Variants in DSCAM observed in about 807,000 individuals in gnomAD.
The protein encoded by DSCAM is cell adhesion molecule DSCAM.
In DSCAM, 47 loss-of-function variants were observed where a neutral mutation model predicts 217.7. The observed-to-expected ratio is 0.22, with a 90% CI of 0.17 to 0.28. The LOEUF is 0.28. Ranked by LOEUF, DSCAM falls within the 10% of genes least tolerant of loss-of-function variation. DSCAM has a pLI of 1.00. For synonymous variants in DSCAM, 1,056 were observed against 1,015.3 expected (o/e 1.04, Z -0.76); for missense variants, 2,080 against 2,618.3 (o/e 0.79, Z 4.49).
intron 3 of DSCAM, among the ~76,000 whole-genome samples, chr21:40,641,691 T>A (rs573480266): frequency 1.5e-4 from 23 of 152,294 alleles, no homozygotes; most frequent in Admixed American, 3.3e-4. Flanking sequence ...TTTATTTGAC[T>A]CCTATTTGGT....
chr21:40,177,172 A>G (rs897094512), intron 15 of DSCAM, among the ~76,000 whole-genome samples: 1 of 152,230 alleles, frequency 6.6e-6, no homozygotes, highest in Non-Finnish European at 1.5e-5. Context: ...TGAGGAAGTT[A>G]GTGGGTTGTT....
At chr21:40,061,868 C>T (rs931307599) in intron 28 of DSCAM, among the ~76,000 whole-genome samples, 1 of 152,186 alleles carries the variant, frequency 6.6e-6, no homozygotes, top group African/African-American at 2.4e-5. Context: ...CTCTCTCCCA[C>T]GTAAATCATC....
chr21:40,637,598 T>TATACATATATAAATATATAC (rs1177465369), intron 3 of DSCAM, among the ~76,000 whole-genome samples: 1 of 49,660 alleles, frequency 2.0e-5, no homozygotes, highest in Non-Finnish European at 3.5e-5. Flanking sequence ...TATATAAATA[T>TATACATATATAAATATATAC]ATATATAAAT....
chr21:40,018,082 A>T (rs1568890199), intron 32 of DSCAM, among the ~76,000 whole-genome samples: 1 of 152,210 alleles, frequency 6.6e-6, no homozygotes, highest in Non-Finnish European at 1.5e-5. Context: ...GAAAATTACT[A>T]ATGTTCGTTT....
At chr21:40,314,827 C>T (rs889338846) in intron 8 of DSCAM, among the ~76,000 whole-genome samples, 3 of 152,162 alleles carry the variant, frequency 2.0e-5, no homozygotes, top group Admixed American at 2.0e-4. Flanking sequence ...TACTTAACCC[C>T]TCTCAGGGTC....
intron 3 of DSCAM, among the ~76,000 whole-genome samples, chr21:40,657,862 G>A (rs1453743861): frequency 2.0e-5 from 3 of 152,198 alleles, no homozygotes; most frequent in Non-Finnish European, 4.4e-5. Context: ...AGGGACTGGA[G>A]TGAGACTAGA....
intron 3 of DSCAM, among the ~76,000 whole-genome samples, chr21:40,622,479 C>T (rs1053218883): frequency 3.9e-5 from 6 of 152,044 alleles, no homozygotes; most frequent in Admixed American, 6.6e-5. Context: ...CATGGAAAAA[C>T]CAGTTTTGAC....
chr21:40,022,797 A>C (rs1277147157), intron 32 of DSCAM, among the ~76,000 whole-genome samples: 1 of 150,672 alleles, frequency 6.6e-6, no homozygotes, highest in African/African-American at 2.4e-5. Context: ...TTTTTCTTAT[A>C]TCTAAACTTT....
At chr21:40,442,688 T>G (rs1366942012) in intron 3 of DSCAM, among the ~76,000 whole-genome samples, 1 of 152,030 alleles carries the variant, frequency 6.6e-6, no homozygotes, top group African/African-American at 2.4e-5. Flanking sequence ...ATTTTTGTAT[T>G]TTCAGTAAAG....
intron 1 of DSCAM, among the ~76,000 whole-genome samples, chr21:40,821,649 T>C (rs747626874): frequency 3.3e-5 from 5 of 152,150 alleles, no homozygotes; most frequent in South Asian, 4.1e-4. Context: ...TATTCCGTGG[T>C]ATATATATAC....
chr21:40,581,872 A>C (rs1314889060), intron 3 of DSCAM, among the ~76,000 whole-genome samples: 1 of 152,232 alleles, frequency 6.6e-6, no homozygotes, highest in African/African-American at 2.4e-5. Flanking sequence ...TTGTAAAAAA[A>C]ATTAACAAAG....
intron 3 of DSCAM, among the ~76,000 whole-genome samples, chr21:40,546,289 C>T (rs2076581843): frequency 6.6e-6 from 1 of 152,170 alleles, no homozygotes; most frequent in African/African-American, 2.4e-5. Context: ...GCAGCATTTC[C>T]TTGGGTCATG....
chr21:40,526,748 T>C (rs1409280593), intron 3 of DSCAM, among the ~76,000 whole-genome samples: 3 of 152,084 alleles, frequency 2.0e-5, no homozygotes, highest in African/African-American at 7.2e-5. Context: ...TATATACATA[T>C]ATCAAAACAT....
intron 1 of DSCAM, among the ~76,000 whole-genome samples, chr21:40,822,365 G>A (rs1259334908): frequency 6.9e-6 from 1 of 145,356 alleles, no homozygotes; most frequent in Non-Finnish European, 1.5e-5. Context: ...AGAATGATCA[G>A]GAGCTCATTT....
intron 3 of DSCAM, among the ~76,000 whole-genome samples, chr21:40,677,829 A>G (rs2090357988): frequency 6.6e-6 from 1 of 152,114 alleles, no homozygotes; most frequent in South Asian, 2.1e-4. Flanking sequence ...AACCAGGAAG[A>G]GAACCCTCAC....
intron 1 of DSCAM, among the ~76,000 whole-genome samples, chr21:40,781,092 T>C (rs2091540171): frequency 6.6e-6 from 1 of 151,924 alleles, no homozygotes. Flanking sequence ...CACTGTAACC[T>C]CCACCTCCGG....
chr21:40,579,470 C>T (rs147284591), intron 3 of DSCAM, among the ~76,000 whole-genome samples: 43 of 152,088 alleles, frequency 2.8e-4, no homozygotes, highest in African/African-American at 8.2e-4. Context: ...TGGAAGAAGA[C>T]GAAAGAAGAG....
At chr21:40,065,804 G>A (rs1311830285) in intron 27 of DSCAM, among the ~76,000 whole-genome samples, 1 of 152,190 alleles carries the variant, frequency 6.6e-6, no homozygotes, top group East Asian at 1.9e-4. Context: ...ACTGCAGGAA[G>A]GGTGAAGACT....
chr21:40,744,016 T>A (rs935558190), intron 1 of DSCAM, among the ~76,000 whole-genome samples: 1 of 152,134 alleles, frequency 6.6e-6, no homozygotes, highest in Non-Finnish European at 1.5e-5. Context: ...CACTAGGCCA[T>A]AATAACTAAG....
Sources: gnomAD v4.1 joint callset for allele counts (sites outside exome capture counted in the v4.1 genomes callset) on GRCh38, gnomAD v4.1.1 for gene constraint, MANE v1.5 for transcripts, NCBI Gene and HGNC (gene_info 2026-07-23, HGNC 2026-07-21) for gene names.